Variants in DLG2 observed in about 807,000 individuals in gnomAD.
DLG2 encodes discs large MAGUK scaffold protein 2.
In DLG2, 45 loss-of-function variants were observed where a neutral mutation model predicts 132.5. That is an observed-to-expected ratio of 0.34 (90% CI 0.27 to 0.44). DLG2 has a LOEUF of 0.44. Ranked by LOEUF, DLG2 falls within the 20% of genes least tolerant of loss-of-function variation. The probability of loss-of-function intolerance (pLI) is 1.00; values close to 1 mark genes in which losing one functional copy is unlikely to be tolerated. For synonymous variants in DLG2, 424 were observed against 419.6 expected (o/e 1.01, Z -0.13); for missense variants, 1,045 against 1,196.9 (o/e 0.87, Z 1.87).
intron 6 of DLG2, among the ~76,000 whole-genome samples, chr11:85,072,135 C>T (rs1457248937): frequency 6.6e-6 from 1 of 151,802 alleles, no homozygotes; most frequent in East Asian, 1.9e-4. Context: ...ATTGTACCTG[C>T]TACAGAAACA....
At chr11:84,583,380 T>C (rs1469733856) in intron 6 of DLG2, among the ~76,000 whole-genome samples, 1 of 152,250 alleles carries the variant, frequency 6.6e-6, no homozygotes, top group Non-Finnish European at 1.5e-5. Context: ...ATTTCATGTC[T>C]GTCATCTCTT....
chr11:84,911,889 C>T (rs55642767), intron 6 of DLG2, among the ~76,000 whole-genome samples: 3,496 of 152,114 alleles, frequency 0.023, 101 homozygotes, highest in African/African-American at 0.07. Context: ...TTGTATATTA[C>T]GTAGAGGTCT....
chr11:83,516,058 G>A (rs1401558147), intron 21 of DLG2, among the ~76,000 whole-genome samples: 1 of 152,180 alleles, frequency 6.6e-6, no homozygotes, highest in Non-Finnish European at 1.5e-5. Context: ...GTGCAGAGCT[G>A]AGTTCAATTC....
chr11:83,542,461 T>TA (rs562344365), intron 19 of DLG2, among the ~76,000 whole-genome samples: 31 of 152,252 alleles, frequency 2.0e-4, no homozygotes, highest in African/African-American at 6.7e-4. Flanking sequence ...TGCAGTAAAT[T>TA]AAAAAATCTA....
chr11:84,944,820 G>A (rs773650021), intron 6 of DLG2, among the ~76,000 whole-genome samples: 9 of 152,190 alleles, frequency 5.9e-5, no homozygotes, highest in Non-Finnish European at 1.2e-4. Context: ...TAGCCAGGAT[G>A]GTCTTGATCG....
intron 3 of DLG2, among the ~76,000 whole-genome samples, chr11:85,505,398 A>C (rs1414719187): frequency 6.6e-6 from 1 of 152,112 alleles, no homozygotes; most frequent in African/African-American, 2.4e-5. Flanking sequence ...ATGTCCCATC[A>C]ATATCTAGTT....
intron 3 of DLG2, among the ~76,000 whole-genome samples, chr11:85,386,752 A>G (rs529437966): frequency 6.6e-6 from 1 of 151,602 alleles, no homozygotes; most frequent in Non-Finnish European, 1.5e-5. Context: ...CCTACCACAG[A>G]GAAGATGTTT....
In DLG2 at chr11:85,021,579, A is replaced by C. The variant is rs1295931995; in HGVS notation, c.357+90082T>G. Reference sequence around the variant, plus strand: ...CCACATCAGATTTCTTGACCACAAGAGTGTTGAGATTCCCAGTGAACACAC... The same window carrying C: ...CCACATCAGATTTCTTGACCACAAGCGTGTTGAGATTCCCAGTGAACACAC... On this transcript the variant is annotated intron_variant, in intron 6 of 27. Transcript: ENST00000376104. 17 of 1,579,068 alleles carry C rather than the reference A, an allele frequency of 1.1e-5. No homozygotes were observed. In the African/African-American group the frequency reaches 2.0e-4, roughly 19 times the overall value.
At chr11:85,554,281 T>C (rs187090572) in intron 3 of DLG2, among the ~76,000 whole-genome samples, 23 of 151,700 alleles carry the variant, frequency 1.5e-4, no homozygotes, top group Admixed American at 1.3e-3. Context: ...ACATAAAAAA[T>C]ATTAGAGAAA....
intron 9 of DLG2, among the ~76,000 whole-genome samples, chr11:84,155,832 T>C (rs2095417328): frequency 6.6e-6 from 1 of 152,132 alleles, no homozygotes; most frequent in Non-Finnish European, 1.5e-5. Flanking sequence ...AGGACATCCA[T>C]GGATGCCTTA....
At chr11:83,897,903 T>C (rs965262820) in intron 15 of DLG2, among the ~76,000 whole-genome samples, 10 of 152,222 alleles carry the variant, frequency 6.6e-5, no homozygotes, top group African/African-American at 2.2e-4. Context: ...ATCCTCCTGA[T>C]GGTTGTATCA....
At chr11:83,793,330 A>C (rs1472410724) in intron 17 of DLG2, among the ~76,000 whole-genome samples, 1 of 152,032 alleles carries the variant, frequency 6.6e-6, no homozygotes, top group South Asian at 2.1e-4. Context: ...TTGGCTCTTA[A>C]GTTTTAGATT....
intron 9 of DLG2, among the ~76,000 whole-genome samples, chr11:84,117,321 C>T (rs1447383051): frequency 3.3e-5 from 5 of 152,164 alleles, no homozygotes; most frequent in African/African-American, 1.2e-4. Flanking sequence ...CTAGTCATTC[C>T]GAAAATTCTG....
At chr11:84,039,305 G>T (rs2095981797) in intron 11 of DLG2, among the ~76,000 whole-genome samples, 1 of 149,274 alleles carries the variant, frequency 6.7e-6, no homozygotes, top group South Asian at 2.1e-4. Context: ...TGCCATGTTG[G>T]TGCGCTGCAC....
At chr11:84,814,024 A>T (rs2076844280) in intron 6 of DLG2, among the ~76,000 whole-genome samples, 1 of 152,144 alleles carries the variant, frequency 6.6e-6, no homozygotes, top group Admixed American at 6.6e-5. Flanking sequence ...ACCCCTTAGG[A>T]GAAATAGTCT....
At chr11:83,606,784 G>GGGCATGGT (rs1192125313) in intron 19 of DLG2, among the ~76,000 whole-genome samples, 7 of 152,064 alleles carry the variant, frequency 4.6e-5, no homozygotes, top group African/African-American at 1.7e-4. Flanking sequence ...AAAATTAACC[G>GGGCATGGT]GGCATGGTGG....
intron 3 of DLG2, chr11:85,452,724 A>T: frequency 6.5e-6 from 1 of 154,954 alleles, no homozygotes. Context: ...ATTAATTAAA[A>T]GGGTCCAACT....
chr11:83,874,692 C>G (rs892659500), intron 15 of DLG2, among the ~76,000 whole-genome samples: 5 of 152,052 alleles, frequency 3.3e-5, no homozygotes, highest in African/African-American at 7.2e-5. Context: ...CCAAGAAACA[C>G]AGATCATTTA....
chr11:83,660,537 T>C (rs777188826), intron 18 of DLG2, among the ~76,000 whole-genome samples: 33 of 152,190 alleles, frequency 2.2e-4, no homozygotes, highest in Non-Finnish European at 4.4e-4. Flanking sequence ...GGTATGTGCA[T>C]ATATTTTTAT....
Sources: allele counts gnomAD v4.1 joint callset (sites outside exome capture counted in the v4.1 genomes callset), GRCh38; gene constraint gnomAD v4.1.1; transcripts MANE v1.5; gene names NCBI Gene and HGNC (gene_info 2026-07-23, HGNC 2026-07-21).